The following RGS7 variants were observed in gnomAD, a reference collection of about 807,000 sequenced individuals.
The protein encoded by RGS7 is regulator of G-protein signaling 7.
In RGS7, 27 loss-of-function variants were observed where a neutral mutation model predicts 81.1. The observed-to-expected ratio is 0.33, with a 90% CI of 0.25 to 0.46. RGS7 has a LOEUF of 0.46. RGS7 is among the 20% of genes least tolerant of loss of function. The pLI is 1.00. For missense variants in RGS7, 396 were observed against 607.4 expected (o/e 0.65, Z 3.66); for synonymous variants, 208 against 207.7 (o/e 1.00, Z -0.01).
intron 2 of RGS7, among the ~76,000 whole-genome samples, chr1:241,213,380 C>A (rs1242321242): frequency 6.6e-6 from 1 of 152,098 alleles, no homozygotes; most frequent in Non-Finnish European, 1.5e-5. Context: ...TAAAAGCGAA[C>A]CAAATATGAC....
chr1:241,302,704 T>C (rs1558292936), intron 2 of RGS7, among the ~76,000 whole-genome samples: 1 of 152,210 alleles, frequency 6.6e-6, no homozygotes, highest in Non-Finnish European at 1.5e-5. Flanking sequence ...TATACTCTAG[T>C]GTACGTATGA....
chr1:240,935,526 C>G (rs1676470429), intron 5 of RGS7, among the ~76,000 whole-genome samples: 1 of 152,150 alleles, frequency 6.6e-6, no homozygotes, highest in Admixed American at 6.5e-5. Context: ...CAGGATACAG[C>G]TTTATTTCCT....
intron 2 of RGS7, among the ~76,000 whole-genome samples, chr1:241,304,553 T>C (rs1457150519): frequency 6.6e-6 from 1 of 152,042 alleles, no homozygotes; most frequent in Non-Finnish European, 1.5e-5. Flanking sequence ...GTGCTACAGC[T>C]GGGTATAAAA....
intron 2 of RGS7, among the ~76,000 whole-genome samples, chr1:241,345,044 C>T (rs982670030): frequency 1.3e-5 from 2 of 152,210 alleles, no homozygotes; most frequent in African/African-American, 4.8e-5. Flanking sequence ...TCATGGAATG[C>T]TATGCAGCCA....
At chr1:241,154,370 C>T (rs866144612) in intron 2 of RGS7, among the ~76,000 whole-genome samples, 14 of 152,200 alleles carry the variant, frequency 9.2e-5, no homozygotes, top group African/African-American at 1.2e-4. Context: ...TGAGGGGAAA[C>T]GTGTTTGGCT....
chr1:241,333,014 A>G (rs1237988873), intron 2 of RGS7, among the ~76,000 whole-genome samples: 1 of 152,200 alleles, frequency 6.6e-6, no homozygotes, highest in Non-Finnish European at 1.5e-5. Flanking sequence ...CTCTGTCTCA[A>G]TTCACTCCCC....
intron 2 of RGS7, among the ~76,000 whole-genome samples, chr1:241,221,588 C>T (rs2075018995): frequency 6.6e-6 from 1 of 152,208 alleles, no homozygotes; most frequent in Admixed American, 6.5e-5. Flanking sequence ...AGTAGTTAAA[C>T]ATTATTCTGG....
intron 2 of RGS7, among the ~76,000 whole-genome samples, chr1:241,301,488 G>A (rs77588613): frequency 0.021 from 3,240 of 152,272 alleles, 105 homozygotes; most frequent in African/African-American, 0.074. Flanking sequence ...TAGGGATGAT[G>A]GTTAAGGGTT....
chr1:241,046,852 T>C lies in RGS7; in HGVS notation c.175+51814A>G, dbSNP rs530156213. Among the ~76,000 whole-genome samples the C allele has an allele frequency of 3.9e-5, 6 of 152,268 alleles. No homozygotes were observed. In the South Asian group the frequency reaches 1.0e-3, roughly 26 times the overall value. ...TCTTCTTCAATCTGGCAATTTCCTA[T>C]ATATGAAATGTACACCAGCCAGTAG... On this transcript the variant is annotated intron_variant, in intron 3 of 18. Transcript: ENST00000440928.
chr1:240,946,686 T>C (rs998474949), intron 4 of RGS7, among the ~76,000 whole-genome samples: 1 of 152,174 alleles, frequency 6.6e-6, no homozygotes, highest in Non-Finnish European at 1.5e-5. Context: ...AAGTACATAG[T>C]GAGACAGCTT....
At chr1:240,962,850 A>T (rs988494118) in intron 4 of RGS7, among the ~76,000 whole-genome samples, 1 of 152,234 alleles carries the variant, frequency 6.6e-6, no homozygotes, top group Non-Finnish European at 1.5e-5. Flanking sequence ...GCTTGAAGAC[A>T]CAGCATGGGT....
intron 2 of RGS7, among the ~76,000 whole-genome samples, chr1:241,296,428 T>A (rs1356032688): frequency 2.6e-5 from 4 of 152,198 alleles, no homozygotes; most frequent in African/African-American, 9.7e-5. Context: ...GAAATAGTGA[T>A]TAGGCGCTCA....
chr1:241,188,821 A>G (rs975539849), intron 2 of RGS7, among the ~76,000 whole-genome samples: 8 of 152,212 alleles, frequency 5.3e-5, no homozygotes, highest in African/African-American at 1.9e-4. Context: ...TTCCTTTCCT[A>G]TTACCACCTC....
Position 240,816,333 on chromosome 1 carries a change from T to A in RGS7, c.767A>T (p.Asp256Val). 1 of 1,609,824 alleles carries A rather than the reference T, an allele frequency of 6.2e-7. No individual in the cohort carries two copies. Among genetic ancestry groups the A allele is most frequent in the Non-Finnish European group, 8.5e-7 (1 of 1,176,194 alleles). The change falls in exon 11 of 19, where the codon GAT (aspartate) becomes GTT (valine). Residue 256 changes from aspartate (D) to valine (V), a missense_variant. By Grantham distance (152) the Asp-to-Val change is radical. Transcript: ENST00000440928. ...PTPETKPPTE[D>V]ELQQQIKYWQ... Reference sequence around the variant, plus strand: ...TTGACTCACCTGTTGTTGTAACTCATCTTCTGTTGGAGGTTTAGTTTCTGG... The same window carrying A: ...TTGACTCACCTGTTGTTGTAACTCAACTTCTGTTGGAGGTTTAGTTTCTGG...
chr1:240,937,011 A>G (rs991093935), intron 4 of RGS7, among the ~76,000 whole-genome samples: 2 of 152,150 alleles, frequency 1.3e-5, no homozygotes, highest in Non-Finnish European at 2.9e-5. Context: ...CCACTGAAAC[A>G]GGTCTTCCAG....
chr1:241,345,470 C>T (rs1004290481), intron 2 of RGS7, among the ~76,000 whole-genome samples: 3 of 152,068 alleles, frequency 2.0e-5, no homozygotes, highest in Non-Finnish European at 2.9e-5. Context: ...AGGTGGAATA[C>T]TAGAATTCCC....
intron 6 of RGS7, among the ~76,000 whole-genome samples, chr1:240,896,321 C>T (rs1363277598): frequency 1.3e-5 from 2 of 152,128 alleles, no homozygotes; most frequent in African/African-American, 4.8e-5. Context: ...TCTTTTGTTG[C>T]CATTGCTTTT....
At chr1:240,900,256 T>C (rs1257301860) in intron 6 of RGS7, among the ~76,000 whole-genome samples, 1 of 152,192 alleles carries the variant, frequency 6.6e-6, no homozygotes, top group Non-Finnish European at 1.5e-5. Context: ...CAGAGAAGTT[T>C]GTTATTACCG....
rs150336940 is a variant in RGS7 at position 241,230,017 on chromosome 1, G to C, written c.78+125682C>G. Among the ~76,000 whole-genome samples, 1,474 of 152,156 alleles carry C rather than the reference G, an allele frequency of 9.7e-3. 26 individuals are homozygous for C. The highest frequency in any genetic ancestry group is 0.033 in the African/African-American group (1,359 of 41,528). ...CAGTCAGCTTCTGGCTACAAGAGGAGGAGTCCATCAGTTCACAAAACCAAT... is the reference window on the plus strand; with the variant it reads ...CAGTCAGCTTCTGGCTACAAGAGGACGAGTCCATCAGTTCACAAAACCAAT... On this transcript the variant is annotated intron_variant, in intron 2 of 18. Coordinates refer to ENST00000440928, the MANE Select transcript of RGS7 (RefSeq NM_001364886.1).
Sources: gnomAD v4.1 joint callset for allele counts (sites outside exome capture counted in the v4.1 genomes callset) on GRCh38, gnomAD v4.1.1 for gene constraint, MANE v1.5 for transcripts, NCBI Gene and HGNC (gene_info 2026-07-23, HGNC 2026-07-21) for gene names.